Variants in PDE7B observed in about 807,000 individuals in gnomAD.
PDE7B encodes phosphodiesterase 7B.
PDE7B carries 29 observed loss-of-function variants against 56.2 expected under a neutral mutation model. The ratio of observed to expected loss-of-function variants is 0.52; its 90% CI spans 0.38 to 0.70. PDE7B has a LOEUF of 0.70. PDE7B is among the 30% of genes least tolerant of loss of function. The pLI, the probability that PDE7B is intolerant of heterozygous loss-of-function variation, is 0.00. For synonymous variants in PDE7B, 197 were observed against 196.9 expected, an observed-to-expected ratio of 1.00 and a Z score of 0.00; for missense variants, 490 against 565.0, an observed-to-expected ratio of 0.87 and a Z score of 1.35.
At chr6:136,007,343 C>T (rs946175063) in intron 2 of PDE7B, among the ~76,000 whole-genome samples, 9 of 152,128 alleles carry the variant, frequency 5.9e-5, no homozygotes, top group African/African-American at 1.9e-4. Flanking sequence ...CGTCAGTGTT[C>T]ATCAAGGATA....
chr6:136,107,272 T>C (rs555427432), intron 2 of PDE7B, among the ~76,000 whole-genome samples: 9 of 152,308 alleles, frequency 5.9e-5, no homozygotes, highest in East Asian at 5.8e-4. Context: ...AGTGCCACCT[T>C]ACTTCGGGAA....
chr6:136,153,546 C>T (rs1035501166), intron 6 of PDE7B, among the ~76,000 whole-genome samples: 1 of 152,150 alleles, frequency 6.6e-6, no homozygotes, highest in Admixed American at 6.5e-5. Context: ...TCCAAGAAGT[C>T]CACAGTTGGA....
intron 2 of PDE7B, among the ~76,000 whole-genome samples, chr6:136,091,424 CA>C (rs1265788945): frequency 2.0e-5 from 3 of 152,304 alleles, no homozygotes; most frequent in Non-Finnish European, 4.4e-5. Context: ...TAAAGGTGGG[CA>C]AAAGCTTATC....
At chr6:136,170,450 C>T (rs918771107) in intron 8 of PDE7B, among the ~76,000 whole-genome samples, 1 of 152,070 alleles carries the variant, frequency 6.6e-6, no homozygotes. Flanking sequence ...AACAATAATT[C>T]CCTGTTCCTC....
intron 12 of PDE7B, among the ~76,000 whole-genome samples, chr6:136,188,445 T>G (rs569935883): frequency 2.6e-5 from 4 of 152,170 alleles, no homozygotes; most frequent in African/African-American, 9.7e-5. Flanking sequence ...AGCCTCAGCC[T>G]CCTGGGAGGC....
chr6:136,057,588 T>A (rs1328481938), intron 2 of PDE7B, among the ~76,000 whole-genome samples: 1 of 152,214 alleles, frequency 6.6e-6, no homozygotes, highest in African/African-American at 2.4e-5. Flanking sequence ...GTCAACTAAA[T>A]CCTTAGTTAA....
At chr6:135,852,648 GGA>G (rs1774961015) in intron 1 of PDE7B, among the ~76,000 whole-genome samples, 1 of 152,126 alleles carries the variant, frequency 6.6e-6, no homozygotes, top group Non-Finnish European at 1.5e-5. Flanking sequence ...CAGAAGTCCA[GGA>G]GAGATGCAAG....
chr6:136,054,513 G>C (rs1024165543), intron 2 of PDE7B, among the ~76,000 whole-genome samples: 9 of 152,078 alleles, frequency 5.9e-5, no homozygotes, highest in Non-Finnish European at 1.0e-4. Context: ...TGTTCTTTTG[G>C]CTTAGGATTG....
intron 2 of PDE7B, among the ~76,000 whole-genome samples, chr6:136,039,396 T>A (rs1310815505): frequency 6.6e-6 from 1 of 152,212 alleles, no homozygotes; most frequent in Non-Finnish European, 1.5e-5. Flanking sequence ...TTTATGCATC[T>A]GAAGTCTTGG....
chr6:136,066,038 TTTTG>T (rs201387093), intron 2 of PDE7B, among the ~76,000 whole-genome samples: 1 of 127,218 alleles, frequency 7.9e-6, no homozygotes, highest in African/African-American at 2.9e-5. Context: ...TAAAGGCTTT[TTTTG>T]TTTGTTTGTT....
intron 2 of PDE7B, among the ~76,000 whole-genome samples, chr6:135,952,111 G>A (rs1453767340): frequency 1.3e-5 from 2 of 152,218 alleles, no homozygotes; most frequent in Non-Finnish European, 2.9e-5. Flanking sequence ...TAGCCCAGGG[G>A]TTTTTCTGGT....
intron 2 of PDE7B, among the ~76,000 whole-genome samples, chr6:136,074,230 CA>C (rs11339717): frequency 0.5 from 60,041 of 120,182 alleles, 12,329 homozygotes; most frequent in African/African-American, 0.57. Flanking sequence ...GACCTTGTCT[CA>C]AAAAAAAAAA....
intron 2 of PDE7B, among the ~76,000 whole-genome samples, chr6:136,088,101 G>A (rs1025340913): frequency 6.6e-6 from 1 of 152,176 alleles, no homozygotes; most frequent in South Asian, 2.1e-4. Flanking sequence ...CACTCTGAGT[G>A]TTTCTTTTAC....
chr6:135,967,218 T>C (rs1423913453), intron 2 of PDE7B, among the ~76,000 whole-genome samples: 3 of 152,188 alleles, frequency 2.0e-5, no homozygotes. Context: ...CCCCAGATTG[T>C]ACACCATAAT....
intron 10 of PDE7B, among the ~76,000 whole-genome samples, chr6:136,180,858 G>A (rs1209499845): frequency 3.9e-5 from 6 of 152,192 alleles, no homozygotes; most frequent in African/African-American, 1.4e-4. Flanking sequence ...TGAGAGTGAG[G>A]TCCAGATGAC....
intron 2 of PDE7B, among the ~76,000 whole-genome samples, chr6:135,954,810 C>T (rs1323415457): frequency 6.6e-6 from 1 of 152,066 alleles, no homozygotes; most frequent in African/African-American, 2.4e-5. Flanking sequence ...GTCAATATTG[C>T]TTTGTGTAAG....
intron 1 of PDE7B, among the ~76,000 whole-genome samples, chr6:135,865,036 CA>C (rs1198513023): frequency 1.4e-5 from 2 of 148,026 alleles, no homozygotes; most frequent in Non-Finnish European, 3.0e-5. Context: ...TGAGAACATG[CA>C]ATGTTTGTTT....
chr6:136,146,669 A>C lies in PDE7B; in HGVS notation c.167-682A>C, dbSNP rs150775478. Among the ~76,000 whole-genome samples, 522 of 152,304 alleles carry C rather than the reference A, an allele frequency of 3.4e-3. 2 individuals carry two copies. The highest frequency in any genetic ancestry group is 5.3e-3 in the Non-Finnish European group (358 of 68,024). On this transcript the variant is annotated intron_variant, in intron 3 of 12. Transcript: ENST00000308191. ...TTCATCATACAAGTAACAGTGTGGG[A>C]TGAGAACTTGGCCTAAATGTTTGAG... is the stretch of plus-strand genomic sequence containing the variant.
intron 2 of PDE7B, among the ~76,000 whole-genome samples, chr6:136,011,201 T>C (rs1357057385): frequency 6.6e-6 from 1 of 152,190 alleles, no homozygotes; most frequent in African/African-American, 2.4e-5. Flanking sequence ...AAGACTTTAT[T>C]TTCCTTTCCC....
Sources: allele counts gnomAD v4.1 joint callset (sites outside exome capture counted in the v4.1 genomes callset), GRCh38; gene constraint gnomAD v4.1.1; transcripts MANE v1.5; gene names NCBI Gene and HGNC (gene_info 2026-07-23, HGNC 2026-07-21).